ASZ1: variants seen among roughly 807,000 people sequenced by gnomAD.
ASZ1 encodes the protein ankyrin repeat, SAM and basic leucine zipper domain-containing protein 1.
Under a neutral mutation model 61.8 loss-of-function variants are expected in ASZ1, and 67 were observed. The observed-to-expected ratio is 1.08, with a 90% CI of 0.89 to 1.33. The LOEUF (loss-of-function observed/expected upper bound fraction) is 1.33, where lower values mean the gene tolerates loss of function less well. Ranked by LOEUF, ASZ1 falls within the 40% of genes most tolerant of loss-of-function variation. The pLI, the probability that ASZ1 is intolerant of heterozygous loss-of-function variation, is 0.00. For missense variants in ASZ1, 577 were observed against 554.5 expected, an observed-to-expected ratio of 1.04 and a Z score of -0.41; for synonymous variants, 193 against 192.7, an observed-to-expected ratio of 1.00 and a Z score of -0.01.
At chr7:117,425,640 A>G (rs1295783694) in intron 2 of ASZ1, among the ~76,000 whole-genome samples, 1 of 151,742 alleles carries the variant, frequency 6.6e-6, no homozygotes, top group Non-Finnish European at 1.5e-5. Context: ...TTTTTATTTA[A>G]TACACAAAAA....
intron 10 of ASZ1, among the ~76,000 whole-genome samples, chr7:117,378,377 CT>C (rs1217936359): frequency 6.6e-6 from 1 of 152,076 alleles, no homozygotes; most frequent in Non-Finnish European, 1.5e-5. Context: ...GCAAAAGATA[CT>C]GTTAGAATTT....
At chr7:117,401,181 G>A (rs1485164150) in intron 4 of ASZ1, among the ~76,000 whole-genome samples, 2 of 152,148 alleles carry the variant, frequency 1.3e-5, no homozygotes, top group African/African-American at 2.4e-5. Context: ...GAAGAAAAGA[G>A]TGTTAAGAAA....
At chr7:117,381,259 C>T (rs769755144) in intron 8 of ASZ1, among the ~76,000 whole-genome samples, 192 bp from the exon 9 acceptor site, 9 of 151,840 alleles carry the variant, frequency 5.9e-5, no homozygotes, top group Non-Finnish European at 1.3e-4. Flanking sequence ...ATTATATTCA[C>T]CTAAAAAGTA....
intron 4 of ASZ1, among the ~76,000 whole-genome samples, chr7:117,391,614 T>C (rs1395495310): frequency 6.6e-6 from 1 of 152,126 alleles, no homozygotes; most frequent in Admixed American, 6.5e-5. Flanking sequence ...TAGTTGGTTG[T>C]TGGTGTGGGT....
At chr7:117,409,284 T>C (rs1167753511) in intron 4 of ASZ1, among the ~76,000 whole-genome samples, 1 of 152,020 alleles carries the variant, frequency 6.6e-6, no homozygotes, top group Admixed American at 6.6e-5. Context: ...AGTTTTGATA[T>C]GCTAACAGCT....
chr7:117,368,780 C>G, intron 10 of ASZ1, 63 bp from the exon 11 acceptor site: 1 of 1,594,442 alleles, frequency 6.3e-7, no homozygotes, highest in Non-Finnish European at 8.5e-7. Context: ...TTTCATTCTA[C>G]TAGGCAAGTT....
chr7:117,423,340 G>A (rs2116541275), intron 2 of ASZ1, among the ~76,000 whole-genome samples: 1 of 151,926 alleles, frequency 6.6e-6, no homozygotes, highest in East Asian at 1.9e-4. Context: ...TTGATATAAG[G>A]TACATAATAA....
intron 10 of ASZ1, among the ~76,000 whole-genome samples, chr7:117,371,558 T>C (rs1233342085): frequency 1.3e-5 from 2 of 152,182 alleles, no homozygotes; most frequent in East Asian, 3.9e-4. Context: ...ATTTTCTTTC[T>C]GATCTTTACT....
intron 9 of ASZ1, 30 bp downstream of exon 9, chr7:117,380,981 G>A: frequency 6.6e-7 from 1 of 1,522,566 alleles, no homozygotes. Context: ...ATCAAACAAT[G>A]TATCGGGAAT....
intron 2 of ASZ1, among the ~76,000 whole-genome samples, chr7:117,423,252 T>G (rs750833752): frequency 3.3e-5 from 5 of 152,070 alleles, no homozygotes; most frequent in Non-Finnish European, 7.4e-5. Flanking sequence ...AGGATCTCAC[T>G]CTGTCACTTT....
Position 117,383,086 on chromosome 7 carries a change from A to C in ASZ1, c.712T>G (p.Leu238Val), listed in dbSNP as rs1342555355. ...HEIFNLLSFT[L>V]NPLEGKLQQL... ...TGAAGTTTTCCTTCCAATGGATTTA[A>C]AGTAAAAGAAAGTAAGTTGAAGATC... Residue 238 changes from leucine to valine, a missense_variant, in exon 7 of 13, where the codon TTA becomes GTA. Transcript: ENST00000284629. 23 of 1,567,102 alleles carry C rather than the reference A, an allele frequency of 1.5e-5. No individual in the cohort carries two copies. The highest frequency in any genetic ancestry group is 2.8e-5 in the African/African-American group (2 of 72,216).
At chr7:117,392,642 G>A (rs569646957) in intron 4 of ASZ1, among the ~76,000 whole-genome samples, 71 of 152,102 alleles carry the variant, frequency 4.7e-4, no homozygotes, top group Non-Finnish European at 6.3e-4. Flanking sequence ...AATAAGCAAA[G>A]GCATTTTTAA....
At chr7:117,388,645 A>G (rs1242522334) in intron 4 of ASZ1, among the ~76,000 whole-genome samples, 1 of 152,192 alleles carries the variant, frequency 6.6e-6, no homozygotes, top group Non-Finnish European at 1.5e-5. Flanking sequence ...AACTTCCTCA[A>G]CCTGACAAAA....
intron 3 of ASZ1, 142 bp downstream of exon 3, chr7:117,422,095 G>T: frequency 1.2e-6 from 1 of 853,506 alleles, no homozygotes; most frequent in Non-Finnish European, 1.7e-6. Flanking sequence ...TTTCTAATTT[G>T]ATTTTGTATA....
intron 4 of ASZ1, among the ~76,000 whole-genome samples, chr7:117,396,234 TCA>T (rs1398442161): frequency 6.6e-6 from 1 of 152,232 alleles, no homozygotes; most frequent in Admixed American, 6.5e-5. Flanking sequence ...AAGTAAATTC[TCA>T]GTCATTAATA....
At chr7:117,416,793 C>T (rs1457191467) in intron 4 of ASZ1, among the ~76,000 whole-genome samples, 2 of 152,120 alleles carry the variant, frequency 1.3e-5, no homozygotes, top group African/African-American at 4.8e-5. Context: ...AAAATTTAAA[C>T]TATTACAGAA....
chr7:117,379,901 A>T, intron 10 of ASZ1, 37 bp downstream of exon 10: 1 of 1,318,944 alleles, frequency 7.6e-7, no homozygotes, highest in Non-Finnish European at 1.1e-6. Flanking sequence ...TTGGTTCTTA[A>T]CACTATTAAT....
intron 4 of ASZ1, among the ~76,000 whole-genome samples, chr7:117,412,701 C>G (rs1243960415): frequency 1.3e-5 from 2 of 151,624 alleles, no homozygotes; most frequent in South Asian, 4.2e-4. Context: ...TTTACAAAAC[C>G]CTTATCTTAT....
Position 117,384,822 on chromosome 7 carries a change from TA to T in ASZ1, c.590del (p.Ile197LysfsTer3), listed in dbSNP as rs1796317456. On this transcript the variant is annotated frameshift_variant, in exon 6 of 13. Coordinates refer to ENST00000284629, the MANE Select transcript of ASZ1 (RefSeq NM_130768.3). LOFTEE classifies it high-confidence loss of function. Reference protein sequence around the residue: ...TWAARQGHKNIVLKLLELGAN... With the variant: ...TWAARQGHKNXVLKLLELGAN... ...CTCCAAGTTCAAGCAACTTCAAAAC[TA>T]TATTTTTATGACCCTGACGTGCTGC... The T allele has an allele frequency of 6.2e-7, 1 of 1,608,166 alleles. No individual in the cohort carries two copies. The highest frequency in any genetic ancestry group is 8.5e-7 in the Non-Finnish European group (1 of 1,178,090).
Sources: gnomAD v4.1 joint callset for allele counts (sites outside exome capture counted in the v4.1 genomes callset) on GRCh38, gnomAD v4.1.1 for gene constraint, MANE v1.5 for transcripts, NCBI Gene and HGNC (gene_info 2026-07-23, HGNC 2026-07-21) for gene names.